The following LRMDA variants were observed in gnomAD, a reference collection of about 807,000 sequenced individuals.
LRMDA encodes the protein leucine rich melanocyte differentiation associated.
A neutral mutation model predicts 29.8 loss-of-function variants in LRMDA; 18 were observed. The observed-to-expected ratio is 0.60, with a 90% CI of 0.42 to 0.90. LRMDA has a LOEUF of 0.90. LRMDA is among the 40% of genes least tolerant of loss of function. The pLI is 0.00. For missense variants in LRMDA, 273 were observed against 273.9 expected (o/e 1.00, Z 0.02); for synonymous variants, 125 against 109.4 (o/e 1.14, Z -0.89).
intron 5 of LRMDA, among the ~76,000 whole-genome samples, chr10:76,275,812 T>C (rs1840124212): frequency 6.6e-6 from 1 of 152,186 alleles, no homozygotes; most frequent in African/African-American, 2.4e-5. Context: ...CTTCACAACC[T>C]CTTCCTCTTC....
intron 5 of LRMDA, among the ~76,000 whole-genome samples, chr10:76,197,406 T>C (rs1851348948): frequency 6.6e-6 from 1 of 152,194 alleles, no homozygotes; most frequent in African/African-American, 2.4e-5. Context: ...TGCCATTGAA[T>C]TGATTCATAC....
intron 2 of LRMDA, among the ~76,000 whole-genome samples, chr10:75,812,764 G>A (rs1000897989): frequency 2.0e-5 from 3 of 152,170 alleles, no homozygotes; most frequent in Non-Finnish European, 4.4e-5. Flanking sequence ...CTTGAGAGGT[G>A]AGCATAAGAC....
At chr10:76,508,569 G>A (rs944543111) in intron 6 of LRMDA, among the ~76,000 whole-genome samples, 1 of 151,164 alleles carries the variant, frequency 6.6e-6, no homozygotes, top group African/African-American at 2.4e-5. Context: ...TTGCCCATTG[G>A]GAGACTGTTC....
At chr10:76,177,963 CT>C (rs1410765491) in intron 5 of LRMDA, among the ~76,000 whole-genome samples, 2 of 152,210 alleles carry the variant, frequency 1.3e-5, no homozygotes, top group Non-Finnish European at 2.9e-5. Context: ...ATTCCACTAC[CT>C]TTGCTCCCCC....
At chr10:76,172,940 T>G (rs988926789) in intron 5 of LRMDA, among the ~76,000 whole-genome samples, 2 of 152,094 alleles carry the variant, frequency 1.3e-5, no homozygotes, top group African/African-American at 4.8e-5. Context: ...GAGAAAAATT[T>G]GATCAATAGA....
chr10:76,298,044 TACAC>T (rs1840433792), intron 5 of LRMDA, among the ~76,000 whole-genome samples: 1 of 152,224 alleles, frequency 6.6e-6, no homozygotes, highest in Non-Finnish European at 1.5e-5. Flanking sequence ...CTCCTTGTCT[TACAC>T]ACAGCTGCGT....
At chr10:75,827,329 C>T (rs2132287313) in intron 2 of LRMDA, among the ~76,000 whole-genome samples, 1 of 152,216 alleles carries the variant, frequency 6.6e-6, no homozygotes, top group East Asian at 1.9e-4. Flanking sequence ...GGAAGGAGGT[C>T]TTAGTTGTTG....
intron 6 of LRMDA, among the ~76,000 whole-genome samples, chr10:76,465,916 C>A (rs532809977): frequency 1.8e-4 from 28 of 152,112 alleles, no homozygotes; most frequent in Non-Finnish European, 3.8e-4. Flanking sequence ...TACAAGGACA[C>A]CAGTTATATG....
intron 2 of LRMDA, among the ~76,000 whole-genome samples, chr10:75,784,219 G>T (rs1002204935): frequency 6.6e-6 from 1 of 152,190 alleles, no homozygotes; most frequent in Non-Finnish European, 1.5e-5. Context: ...CTATGTGACT[G>T]CAGGTAAGAG....
intron 2 of LRMDA, among the ~76,000 whole-genome samples, chr10:75,631,866 C>G (rs999038259): frequency 6.6e-6 from 1 of 152,208 alleles, no homozygotes; most frequent in Non-Finnish European, 1.5e-5. Context: ...AAAGCTGTTT[C>G]CATTGACCCG....
chr10:75,600,573 T>C (rs1840870272), intron 2 of LRMDA, among the ~76,000 whole-genome samples: 1 of 152,200 alleles, frequency 6.6e-6, no homozygotes, highest in Non-Finnish European at 1.5e-5. Context: ...AAAGAGGTCA[T>C]GAGCAGGTCA....
chr10:76,052,500 C>G (rs1317462076), intron 4 of LRMDA, among the ~76,000 whole-genome samples: 2 of 152,142 alleles, frequency 1.3e-5, no homozygotes, highest in Non-Finnish European at 2.9e-5. Context: ...CCTCCTCTCT[C>G]TCTCAGGTCT....
At chr10:75,991,051 C>G (rs996897168) in intron 2 of LRMDA, among the ~76,000 whole-genome samples, 1 of 152,114 alleles carries the variant, frequency 6.6e-6, no homozygotes, top group East Asian at 1.9e-4. Context: ...AGATGGTAAA[C>G]AGTGTAGACT....
At chr10:75,982,143 C>G (rs1847183818) in intron 2 of LRMDA, among the ~76,000 whole-genome samples, 1 of 152,138 alleles carries the variant, frequency 6.6e-6, no homozygotes, top group South Asian at 2.1e-4. Context: ...CTGATCTCTT[C>G]TTTTCCTTAG....
intron 2 of LRMDA, among the ~76,000 whole-genome samples, chr10:75,462,115 C>CA (rs1374891384): frequency 6.6e-6 from 1 of 152,210 alleles, no homozygotes; most frequent in Non-Finnish European, 1.5e-5. Context: ...ACAAAGAAGA[C>CA]AAAGTATGAA....
At chr10:76,234,630 C>CT (rs2132276361) in intron 5 of LRMDA, among the ~76,000 whole-genome samples, 1 of 152,322 alleles carries the variant, frequency 6.6e-6, no homozygotes, top group Non-Finnish European at 1.5e-5. Context: ...CAAATCTTAG[C>CT]TGGATCTCCT....
chr10:76,164,005 T>C (rs186670772), intron 5 of LRMDA, among the ~76,000 whole-genome samples: 1 of 152,316 alleles, frequency 6.6e-6, no homozygotes, highest in Admixed American at 6.5e-5. Flanking sequence ...TTCTTAATAT[T>C]GTGAGCTCAT....
intron 2 of LRMDA, among the ~76,000 whole-genome samples, chr10:76,005,861 C>T (rs1373404287): frequency 3.4e-5 from 5 of 149,166 alleles, no homozygotes; most frequent in Non-Finnish European, 7.4e-5. Flanking sequence ...ACCCGGGAGG[C>T]GGAGCTTGCA....
intron 2 of LRMDA, among the ~76,000 whole-genome samples, chr10:75,943,772 C>T (rs995453366): frequency 6.6e-6 from 1 of 152,174 alleles, no homozygotes; most frequent in Non-Finnish European, 1.5e-5. Flanking sequence ...AATAGTAGGG[C>T]TGAAAGGAGC....
Sources: gnomAD v4.1 joint callset for allele counts (sites outside exome capture counted in the v4.1 genomes callset) on GRCh38, gnomAD v4.1.1 for gene constraint, MANE v1.5 for transcripts, NCBI Gene and HGNC (gene_info 2026-07-23, HGNC 2026-07-21) for gene names.